The following MED14 variants were observed in gnomAD, a reference collection of about 807,000 sequenced individuals.
MED14 encodes the protein mediator complex subunit 14.
A neutral mutation model predicts 109.0 loss-of-function variants in MED14; 8 were observed. The observed-to-expected ratio is 0.07, with a 90% CI of 0.04 to 0.13. The LOEUF (loss-of-function observed/expected upper bound fraction) is 0.13. Among genes scored for constraint, MED14 ranks in the 10% least tolerant of loss-of-function variants. The probability of loss-of-function intolerance (pLI) is 1.00; values close to 1 mark genes in which losing one functional copy is unlikely to be tolerated. For synonymous variants in MED14, 399 were observed against 408.7 expected (o/e 0.98, Z 0.29); for missense variants, 711 against 1,142.4 (o/e 0.62, Z 5.44).
At chrX:40,671,799 G>GGT (rs201000321) in intron 23 of MED14, 62 bp downstream of exon 23, 10 of 708,856 alleles carry the variant, frequency 1.4e-5, no homozygotes, top group East Asian at 3.4e-5. Context: ...CTCAATGTGG[G>GGT]GTGTGTGTGT....
chrX:40,716,521 T>C (rs1221542213), intron 3 of MED14, among the ~76,000 whole-genome samples: 3 of 106,644 alleles, frequency 2.8e-5, no homozygotes, highest in Admixed American at 2.0e-4. Flanking sequence ...GCCCAGGAGG[T>C]TGACGCTGCA....
chrX:40,726,463 G>A (rs1010238609), intron 3 of MED14: 4 of 174,725 alleles, frequency 2.3e-5, no homozygotes, highest in Non-Finnish European at 4.2e-5. Context: ...AAATTCTAAG[G>A]AATAGCACGA....
At chrX:40,664,677 G>A (rs1231645479) in intron 24 of MED14, among the ~76,000 whole-genome samples, 188 bp from the exon 25 acceptor site, 1 of 111,642 alleles carries the variant, frequency 9.0e-6, no homozygotes, top group Non-Finnish European at 1.9e-5. Context: ...TTTTTAACAT[G>A]ATACAAAAAT....
Position 40,651,620 on chromosome X carries a change from T to A in MED14, c.*186A>T, listed in dbSNP as rs991239840. Reference sequence around the variant, plus strand: ...TCCCATTTAAACACACTATACAAGTTCATTATACAAAAGATGGATGATCAT... The same window carrying A: ...TCCCATTTAAACACACTATACAAGTACATTATACAAAAGATGGATGATCAT... On this transcript the variant is annotated 3_prime_UTR_variant, in exon 31 of 31. Coordinates refer to ENST00000324817, the MANE Select transcript of MED14 (RefSeq NM_004229.4). The A allele has an allele frequency of 9.7e-7, 1 of 1,034,723 alleles. No individual in the cohort carries two copies. Among genetic ancestry groups the A allele is most frequent in the Non-Finnish European group, 1.2e-6 (1 of 809,588 alleles). The allele number at this position is 1,034,723 out of a possible 1,213,427, so 85.3% of individuals were successfully genotyped here.
intron 16 of MED14, 152 bp downstream of exon 16, chrX:40,688,302 G>A (rs374905656): frequency 2.1e-5 from 9 of 428,988 alleles, no homozygotes; most frequent in African/African-American, 7.5e-5. Flanking sequence ...TAGATTAAAG[G>A]AATCTTCCCC....
At chrX:40,724,873 G>A (rs1198760412) in intron 3 of MED14, among the ~76,000 whole-genome samples, 3 of 111,033 alleles carry the variant, frequency 2.7e-5, no homozygotes, top group Non-Finnish European at 3.8e-5. Context: ...GAAACAAGAA[G>A]CTGGTTTTCT....
intron 4 of MED14, 63 bp downstream of exon 4, chrX:40,714,474 A>C: frequency 9.0e-7 from 1 of 1,113,047 alleles, no homozygotes; most frequent in Non-Finnish European, 1.2e-6. Context: ...ACTTAATAAT[A>C]CAATCCAATC....
chrX:40,676,431 T>C lies in MED14; in HGVS notation c.2881-1070A>G, dbSNP rs1051293616. Among the ~76,000 whole-genome samples, 4 of 111,938 alleles carry C rather than the reference T, an allele frequency of 3.6e-5. No homozygotes were observed. In the Admixed American group the frequency reaches 3.8e-4, roughly 11 times the overall value. The stretch of plus-strand genomic sequence containing the variant: ...AATAGGAGAAGAGAAGAAACAGCAA[T>C]ACATCCGGGAGGCTGCAAAGCAGAT... On this transcript the variant is annotated intron_variant, in intron 21 of 30. Coordinates refer to ENST00000324817, the MANE Select transcript of MED14 (RefSeq NM_004229.4).
At position 40,710,049 on chromosome X, in the gene MED14, T is replaced by C. The variant is rs1189262080; in HGVS notation, c.1103A>G (p.Lys368Arg). The C allele has an allele frequency of 8.5e-7, 1 of 1,181,320 alleles. No individual in the cohort carries two copies. The highest frequency in any genetic ancestry group is 2.3e-5 in the Admixed American group (1 of 43,864). The change falls in exon 9 of 31, where the codon AAG becomes AGG. Residue 368 changes from lysine (K) to arginine (R), a missense_variant. Physicochemically the swap from Lys to Arg is conservative, Grantham distance 26. This residue lies in a region of MED14 where 388 missense variants were observed against 517.3 expected (regional missense o/e 0.75). Transcript: ENST00000324817. ...AGGATCGTGAAAAATCTGTAAAGGCTTGGAGACATCATTCTCATCAATTTT... is the reference window on the plus strand; with the variant it reads ...AGGATCGTGAAAAATCTGTAAAGGCCTGGAGACATCATTCTCATCAATTTT... The part of the protein sequence containing the change: ...TIKIDENDVS[K>R]PLQIFHDPPL...
At chrX:40,694,768 A>C (rs1930666055) in intron 13 of MED14, among the ~76,000 whole-genome samples, 1 of 112,491 alleles carries the variant, frequency 8.9e-6, no homozygotes, top group Admixed American at 9.4e-5. Context: ...AAAATAGTAC[A>C]TCACTTTGGA....
chrX:40,735,640 G>A (rs941153315), upstream of MED14: 13 of 496,509 alleles, frequency 2.6e-5, no homozygotes, highest in Non-Finnish European at 4.7e-5. Context: ...GGGGATGGGG[G>A]GGAAGCAGGG....
rs1224365999 is a variant in MED14, at chrX:40,701,150, T to C, written c.1490+15A>G. On this transcript the variant is annotated intron_variant, in intron 12 of 30. Transcript: ENST00000324817. ...AGTTTCCATTTTTAGTCTTGAGCTA[T>C]ATAAATAAGCTTACTTAAGTTGCTG... 3.5e-6 allele frequency: 4 copies of C among 1,146,021 alleles called. No individual in the cohort carries two copies. Among genetic ancestry groups the C allele is most frequent in the Non-Finnish European group, 2.4e-6 (2 of 841,478 alleles). 94.4% of individuals were successfully genotyped at this position (1,146,021 alleles called of 1,213,427 possible).
chrX:40,726,918 T>C (rs1490403238), intron 2 of MED14, 67 bp from the exon 3 acceptor site: 5 of 859,611 alleles, frequency 5.8e-6, no homozygotes, highest in Non-Finnish European at 8.2e-6. Flanking sequence ...TTATTTCAGC[T>C]AAGCAAAAAT....
chrX:40,678,703 C>T (rs756238325), intron 21 of MED14, among the ~76,000 whole-genome samples: 10 of 109,475 alleles, frequency 9.1e-5, no homozygotes, highest in Admixed American at 3.9e-4. Context: ...CTACTGGGGA[C>T]GCTGAGGTGG....
chrX:40,702,799 T>C (rs1180724460), intron 11 of MED14, among the ~76,000 whole-genome samples: 1 of 111,989 alleles, frequency 8.9e-6, no homozygotes, highest in Non-Finnish European at 1.9e-5. Flanking sequence ...AAAAAAAATC[T>C]ATAGCTATAA....
In MED14 at chrX:40,681,666, T is replaced by A. The variant is rs781316770; in HGVS notation, c.2457+186A>T. Among the ~76,000 whole-genome samples, 7 of 112,218 alleles carry A rather than the reference T, an allele frequency of 6.2e-5. No homozygotes were observed. In the East Asian group the frequency reaches 1.9e-3, roughly 31 times the overall value. Reference sequence around the variant, plus strand: ...CCCCATCATAGGGTATTATTTTTGTTTTCAATTTTAAAGAGTTAAGCATTA... The same window carrying A: ...CCCCATCATAGGGTATTATTTTTGTATTCAATTTTAAAGAGTTAAGCATTA... On this transcript the variant is annotated intron_variant, in intron 19 of 30. Coordinates refer to ENST00000324817, the MANE Select transcript of MED14 (RefSeq NM_004229.4).
At chrX:40,715,019 C>A in intron 3 of MED14, 1 of 179,255 alleles carries the variant, frequency 5.6e-6, no homozygotes, top group Non-Finnish European at 1.0e-5. Flanking sequence ...TGGTTTTTTC[C>A]TCTTACAGAC....
chrX:40,714,409 AG>A (rs1359281957), intron 4 of MED14, 127 bp downstream of exon 4: 1 of 686,147 alleles, frequency 1.5e-6, no homozygotes, highest in African/African-American at 2.2e-5. Flanking sequence ...TTAGTTACAG[AG>A]AAAAAAAGCA....
chrX:40,676,590 T>A (rs1272385643), intron 21 of MED14, among the ~76,000 whole-genome samples: 6 of 111,925 alleles, frequency 5.4e-5, no homozygotes, highest in Non-Finnish European at 9.4e-5. Context: ...GGCACTGATA[T>A]GGTTTGGCTC....
Sources: gnomAD v4.1 joint callset for allele counts (sites outside exome capture counted in the v4.1 genomes callset) on GRCh38, gnomAD v4.1.1 for gene constraint, gnomAD v4.1.1 regional missense constraint, MANE v1.5 for transcripts, NCBI Gene and HGNC (gene_info 2026-07-23, HGNC 2026-07-21) for gene names.